MAML2: variants seen among roughly 807,000 people sequenced by gnomAD.
The protein encoded by MAML2 is mastermind like transcriptional coactivator 2.
In MAML2, 22 loss-of-function variants were observed where a neutral mutation model predicts 96.1. That is an observed-to-expected ratio of 0.23 (90% CI 0.16 to 0.33). The LOEUF (loss-of-function observed/expected upper bound fraction) is 0.33. Ranked by LOEUF, MAML2 falls within the 10% of genes least tolerant of loss-of-function variation. The pLI is 1.00. For missense variants in MAML2, 1,367 were observed against 1,392.4 expected (o/e 0.98, Z 0.29); for synonymous variants, 561 against 521.3 (o/e 1.08, Z -1.04).
intron 1 of MAML2, among the ~76,000 whole-genome samples, chr11:96,133,520 C>T (rs1860578602): frequency 6.6e-6 from 1 of 152,112 alleles, no homozygotes; most frequent in Admixed American, 6.5e-5. Context: ...CCTGTGTGAA[C>T]ATTCAGCCTT....
intron 1 of MAML2, among the ~76,000 whole-genome samples, chr11:96,173,856 C>A (rs1450776733): frequency 4.6e-5 from 7 of 152,204 alleles, no homozygotes; most frequent in African/African-American, 1.7e-4. Flanking sequence ...CTGAAGGAGG[C>A]AAAAGATATG....
intron 1 of MAML2, among the ~76,000 whole-genome samples, chr11:96,278,931 C>G (rs1377244892): frequency 2.0e-5 from 3 of 152,048 alleles, no homozygotes; most frequent in Admixed American, 6.6e-5. Flanking sequence ...AAGGAGCTAA[C>G]ATTGTGGCAG....
chr11:96,155,987 T>C (rs1306835280), intron 1 of MAML2, among the ~76,000 whole-genome samples: 1 of 152,138 alleles, frequency 6.6e-6, no homozygotes, highest in Non-Finnish European at 1.5e-5. Flanking sequence ...TTTACTTCAC[T>C]ACGTAAAACC....
At chr11:96,235,208 T>G (rs1862352051) in intron 1 of MAML2, among the ~76,000 whole-genome samples, 1 of 152,158 alleles carries the variant, frequency 6.6e-6, no homozygotes, top group Admixed American at 6.5e-5. Context: ...CTCCTTTAGA[T>G]CCAGAGCAAA....
intron 3 of MAML2, among the ~76,000 whole-genome samples, chr11:95,989,495 C>T (rs141615486): frequency 6.6e-6 from 1 of 152,300 alleles, no homozygotes; most frequent in East Asian, 1.9e-4. Context: ...TGCCTTTTAA[C>T]AAGAGCTGAA....
At chr11:96,152,014 G>A (rs1024760922) in intron 1 of MAML2, among the ~76,000 whole-genome samples, 2 of 152,154 alleles carry the variant, frequency 1.3e-5, no homozygotes, top group Middle Eastern at 3.2e-3. Context: ...CTTGAGGCTA[G>A]GAGTTTAAGA....
intron 1 of MAML2, among the ~76,000 whole-genome samples, chr11:96,307,303 T>A (rs1863477865): frequency 6.6e-6 from 1 of 152,206 alleles, no homozygotes; most frequent in African/African-American, 2.4e-5. Flanking sequence ...GTGCTGAGCT[T>A]AAAGTCAGAC....
chr11:96,059,790 T>C (rs1859126354), intron 2 of MAML2, among the ~76,000 whole-genome samples: 1 of 152,190 alleles, frequency 6.6e-6, no homozygotes, highest in South Asian at 2.1e-4. Context: ...CAACCTGCAT[T>C]TCAAAAATGT....
At chr11:96,259,045 C>G (rs781483320) in intron 1 of MAML2, among the ~76,000 whole-genome samples, 8 of 152,138 alleles carry the variant, frequency 5.3e-5, no homozygotes, top group Non-Finnish European at 8.8e-5. Context: ...AGGGTGAAGA[C>G]AAACTTAACA....
chr11:96,250,202 A>G (rs1862564103), intron 1 of MAML2, among the ~76,000 whole-genome samples: 2 of 152,190 alleles, frequency 1.3e-5, no homozygotes, highest in African/African-American at 4.8e-5. Flanking sequence ...GGCTTGGTAG[A>G]CAAATTATCT....
chr11:96,145,039 T>C (rs1163411324), intron 1 of MAML2, among the ~76,000 whole-genome samples: 2 of 152,238 alleles, frequency 1.3e-5, no homozygotes, highest in African/African-American at 4.8e-5. Flanking sequence ...TTGTATGGCA[T>C]TTAATACTAA....
intron 1 of MAML2, among the ~76,000 whole-genome samples, chr11:96,334,013 C>G (rs1863886265): frequency 6.6e-6 from 1 of 152,132 alleles, no homozygotes; most frequent in Non-Finnish European, 1.5e-5. Flanking sequence ...TATTCAACTT[C>G]TAGATTAGGA....
intron 1 of MAML2, among the ~76,000 whole-genome samples, chr11:96,148,937 G>C (rs2135874889): frequency 6.6e-6 from 1 of 152,352 alleles, no homozygotes; most frequent in African/African-American, 2.4e-5. Flanking sequence ...GCATGGATGT[G>C]AAATTGATTT....
chr11:96,301,459 T>C (rs1235697260), intron 1 of MAML2, among the ~76,000 whole-genome samples: 1 of 152,188 alleles, frequency 6.6e-6, no homozygotes, highest in African/African-American at 2.4e-5. Context: ...CTCCACTGCG[T>C]AGGCCAGGCC....
At chr11:96,303,337 G>GA (rs1863415707) in intron 1 of MAML2, among the ~76,000 whole-genome samples, 1 of 152,172 alleles carries the variant, frequency 6.6e-6, no homozygotes, top group Non-Finnish European at 1.5e-5. Flanking sequence ...CCAATGTTAA[G>GA]ATATTATGTA....
At chr11:96,206,278 A>C (rs1348702303) in intron 1 of MAML2, among the ~76,000 whole-genome samples, 1 of 152,206 alleles carries the variant, frequency 6.6e-6, no homozygotes, top group African/African-American at 2.4e-5. Context: ...TTCTGCTGAA[A>C]AGTGTTTATA....
rs960089912 is a variant in MAML2, at chr11:96,003,036, G to A, written c.2140-11313C>T. On this transcript the variant is annotated intron_variant, in intron 2 of 4. Transcript: ENST00000524717. The stretch of plus-strand genomic sequence containing the variant: ...ATGATGAAGATGATGATGGGGATGA[G>A]GAGGATGATGGGGATGATGAACATG... Among the ~76,000 whole-genome samples the A allele has an allele frequency of 3.5e-5, 5 of 143,988 alleles. No individual in the cohort carries two copies. In the South Asian group the frequency reaches 9.5e-4, roughly 27 times the overall value. 94.5% of individuals were successfully genotyped at this position (143,988 alleles called of 152,430 possible). A position where few individuals can be genotyped will look rare whatever the true frequency, so the allele number is the denominator to read the frequency against.
At chr11:96,060,093 C>CA (rs1859131474) in intron 2 of MAML2, among the ~76,000 whole-genome samples, 1 of 152,158 alleles carries the variant, frequency 6.6e-6, no homozygotes, top group Non-Finnish European at 1.5e-5. Context: ...GGGAACAGCA[C>CA]AAAGGCATGA....
intron 1 of MAML2, among the ~76,000 whole-genome samples, chr11:96,228,831 T>A (rs1206534235): frequency 4.6e-5 from 7 of 152,198 alleles, no homozygotes; most frequent in African/African-American, 1.7e-4. Context: ...CATAAGCAAT[T>A]TTGAGGCCTG....
Sources: allele counts gnomAD v4.1 joint callset (sites outside exome capture counted in the v4.1 genomes callset), GRCh38; gene constraint gnomAD v4.1.1; transcripts MANE v1.5; gene names NCBI Gene and HGNC (gene_info 2026-07-23, HGNC 2026-07-21).